The following MACROD2 variants were observed in gnomAD, a reference collection of about 807,000 sequenced individuals.
MACROD2 encodes ADP-ribose glycohydrolase MACROD2.
A neutral mutation model predicts 70.4 loss-of-function variants in MACROD2; 36 were observed. That is an observed-to-expected ratio of 0.51 (90% CI 0.39 to 0.68). MACROD2 has a LOEUF of 0.68. Among genes scored for constraint, MACROD2 ranks in the 30% least tolerant of loss-of-function variants. The pLI is 0.00. For synonymous variants in MACROD2, 172 were observed against 178.8 expected (o/e 0.96, Z 0.30); for missense variants, 496 against 538.4 (o/e 0.92, Z 0.78).
chr20:14,289,510 A>G (rs376352720), intron 3 of MACROD2, among the ~76,000 whole-genome samples: 16 of 152,252 alleles, frequency 1.1e-4, no homozygotes, highest in African/African-American at 3.9e-4. Context: ...TTAAAAACTA[A>G]CATTGATTCA....
chr20:15,209,445 G>T (rs1269264759), intron 5 of MACROD2, among the ~76,000 whole-genome samples: 2 of 152,164 alleles, frequency 1.3e-5, no homozygotes, highest in Non-Finnish European at 2.9e-5. Flanking sequence ...GAGTGCTAAA[G>T]TTAGGAAAAG....
chr20:14,104,253 T>C (rs1435878718), intron 3 of MACROD2, among the ~76,000 whole-genome samples: 1 of 152,202 alleles, frequency 6.6e-6, no homozygotes, highest in Non-Finnish European at 1.5e-5. Context: ...CCTTCTGTAA[T>C]AGAAAGCAGG....
At chr20:14,364,639 C>A (rs1391985371) in intron 3 of MACROD2, among the ~76,000 whole-genome samples, 2 of 152,160 alleles carry the variant, frequency 1.3e-5, no homozygotes, top group Admixed American at 1.3e-4. Context: ...CTCCCAGAAA[C>A]CACCAAACTG....
chr20:14,897,412 G>C (rs1210400712), intron 5 of MACROD2, among the ~76,000 whole-genome samples: 1 of 151,890 alleles, frequency 6.6e-6, no homozygotes, highest in African/African-American at 2.4e-5. Flanking sequence ...TGCAGAATTT[G>C]GTGAAATAAA....
chr20:15,411,778 T>C (rs1218650083), intron 6 of MACROD2, among the ~76,000 whole-genome samples: 1 of 152,230 alleles, frequency 6.6e-6, no homozygotes, highest in Non-Finnish European at 1.5e-5. Flanking sequence ...TGCAAGCTCA[T>C]TCTTCATTTT....
At chr20:15,704,226 CCTT>C (rs1275145188) in intron 8 of MACROD2, among the ~76,000 whole-genome samples, 1 of 152,226 alleles carries the variant, frequency 6.6e-6, no homozygotes, top group African/African-American at 2.4e-5. Flanking sequence ...CCCCGTGACA[CCTT>C]CTCTGAATCC....
chr20:15,464,961 G>A (rs1046300181), intron 7 of MACROD2, among the ~76,000 whole-genome samples: 4 of 152,138 alleles, frequency 2.6e-5, no homozygotes, highest in African/African-American at 4.8e-5. Context: ...CTTACCTCCC[G>A]TGGAGGGAGA....
intron 8 of MACROD2, among the ~76,000 whole-genome samples, chr20:15,561,685 CT>C (rs1284663171): frequency 6.6e-6 from 1 of 152,008 alleles, no homozygotes; most frequent in African/African-American, 2.4e-5. Flanking sequence ...TAAGCAGTGC[CT>C]TTGGCTTTTG....
chr20:15,873,903 T>TTTA (rs1462870486), intron 9 of MACROD2, among the ~76,000 whole-genome samples: 1 of 152,014 alleles, frequency 6.6e-6, no homozygotes, highest in African/African-American at 2.4e-5. Context: ...CTTCAGACAT[T>TTTA]TTATTATTAT....
intron 4 of MACROD2, among the ~76,000 whole-genome samples, chr20:14,660,237 T>G (rs571569725): frequency 2.6e-4 from 40 of 152,316 alleles, no homozygotes; most frequent in African/African-American, 9.4e-4. Flanking sequence ...GAGCCTATGT[T>G]TTTCTAGAGA....
intron 5 of MACROD2, among the ~76,000 whole-genome samples, chr20:15,054,921 T>C (rs1416845638): frequency 1.3e-5 from 2 of 151,060 alleles, no homozygotes; most frequent in Admixed American, 1.3e-4. Context: ...TAGCTGAGAT[T>C]ACAGGCTTGT....
chr20:14,493,704 G>C (rs2084819715), intron 4 of MACROD2, 196 bp downstream of exon 4: 3 of 397,990 alleles, frequency 7.5e-6, no homozygotes, highest in Non-Finnish European at 8.7e-6. Context: ...TTGACTTCGA[G>C]ATATATACAG....
At chr20:15,362,377 T>C (rs2078362916) in intron 6 of MACROD2, among the ~76,000 whole-genome samples, 1 of 152,124 alleles carries the variant, frequency 6.6e-6, no homozygotes, top group Admixed American at 6.6e-5. Flanking sequence ...ATTTCAGTCT[T>C]AGGAAAAACT....
At chr20:14,303,957 T>A (rs1447314059) in intron 3 of MACROD2, among the ~76,000 whole-genome samples, 1 of 151,822 alleles carries the variant, frequency 6.6e-6, no homozygotes, top group African/African-American at 2.4e-5. Context: ...TGAAATACCA[T>A]GACCTCTTAG....
chr20:14,230,846 G>T (rs936814921), intron 3 of MACROD2, among the ~76,000 whole-genome samples: 1 of 151,096 alleles, frequency 6.6e-6, no homozygotes, highest in Admixed American at 6.6e-5. Flanking sequence ...TTACAAGAAG[G>T]CTTGAAAGTT....
At chr20:14,984,728 A>C (rs904057457) in intron 5 of MACROD2, among the ~76,000 whole-genome samples, 1 of 152,190 alleles carries the variant, frequency 6.6e-6, no homozygotes, top group Non-Finnish European at 1.5e-5. Context: ...ATAACACATC[A>C]AGAAAATAAG....
chr20:15,764,730 A>T (rs2147003536), intron 8 of MACROD2, among the ~76,000 whole-genome samples: 1 of 152,274 alleles, frequency 6.6e-6, no homozygotes, highest in Admixed American at 6.5e-5. Flanking sequence ...CTTATATTGG[A>T]TTCTCAGGCA....
intron 5 of MACROD2, among the ~76,000 whole-genome samples, chr20:15,017,790 G>A (rs1383865280): frequency 6.6e-6 from 1 of 152,194 alleles, no homozygotes; most frequent in African/African-American, 2.4e-5. Context: ...ACCCTCTGAA[G>A]CCACAGCCCA....
chr20:14,981,432 G>GTATA lies in MACROD2; in HGVS notation c.419-248490_419-248487dup, dbSNP rs747438726. Among the ~76,000 whole-genome samples the GTATA allele has an allele frequency of 9.5e-3, 1,338 of 141,410 alleles. 18 individuals carry two copies. The highest frequency in any genetic ancestry group is 0.022 in the African/African-American group (851 of 38,088). 92.8% of individuals were successfully genotyped at this position (141,410 alleles called of 152,430 possible). ...TACGTGTGTGTGTATATATGTATATGTATATATATATATATATATATGTGT... is the reference window on the plus strand; with the variant it reads ...TACGTGTGTGTGTATATATGTATATGTATATATATATATATATATATATATGTGT... On this transcript the variant is annotated intron_variant, in intron 5 of 17. Coordinates refer to ENST00000684519, the MANE Select transcript of MACROD2 (RefSeq NM_001351661.2).
Sources: gnomAD v4.1 joint callset for allele counts (sites outside exome capture counted in the v4.1 genomes callset) on GRCh38, gnomAD v4.1.1 for gene constraint, MANE v1.5 for transcripts, NCBI Gene and HGNC (gene_info 2026-07-23, HGNC 2026-07-21) for gene names.